The following WWP1 variants were observed in gnomAD, a reference collection of about 807,000 sequenced individuals.
WWP1 encodes WW domain containing E3 ubiquitin protein ligase 1.
A neutral mutation model predicts 130.6 loss-of-function variants in WWP1; 49 were observed. That is an observed-to-expected ratio of 0.38 (90% CI 0.30 to 0.48). The LOEUF (loss-of-function observed/expected upper bound fraction) is 0.48, where lower values mean the gene tolerates loss of function less well. WWP1 is among the 20% of genes least tolerant of loss of function. WWP1 has a pLI of 0.99. For missense variants in WWP1, 809 were observed against 1,100.6 expected (o/e 0.74, Z 3.75); for synonymous variants, 332 against 367.8 (o/e 0.90, Z 1.11).
chr8:86,372,243 C>T (rs1824358202), intron 2 of WWP1, among the ~76,000 whole-genome samples: 1 of 151,748 alleles, frequency 6.6e-6, no homozygotes, highest in Non-Finnish European at 1.5e-5. Context: ...AGGATGGTCT[C>T]GATCTCCTGA....
chr8:86,431,665 G>T lies in WWP1; in HGVS notation c.1523G>T (p.Arg508Leu). The T allele has an allele frequency of 6.2e-7, 1 of 1,613,928 alleles. No individual in the cohort carries two copies. Among genetic ancestry groups the T allele is most frequent in the African/African-American group, 1.3e-5 (1 of 74,996 alleles). ...GAAGGCTGGGAAATTAGATATACTC[G>T]TGAAGGTGTAAGGTACTTTGTTGAT... ...LPEGWEIRYT[R>L]EGVRYFVDHN... Residue 508 changes from arginine (R) to leucine (L), a missense_variant, in exon 14 of 25, where the codon CGT becomes CTT. Coordinates refer to ENST00000517970, the MANE Select transcript of WWP1 (RefSeq NM_007013.4).
At chr8:86,417,341 G>A (rs149485423) in intron 9 of WWP1, 81 of 152,158 alleles carry the variant, frequency 5.3e-4, no homozygotes, top group African/African-American at 1.7e-3. Context: ...GATATTTACC[G>A]TCTGGCTCTT....
chr8:86,370,131 CA>C lies in WWP1; in HGVS notation c.-22+1103del, dbSNP rs556685811. 9.9e-5 allele frequency among the ~76,000 whole-genome samples: 15 copies of C among 152,238 alleles called. No individual in the cohort carries two copies. In the East Asian group the frequency reaches 2.9e-3, roughly 29 times the overall value. On this transcript the variant is annotated intron_variant, in intron 2 of 24. Transcript: ENST00000517970. ...TCCATCTTTTCTTTTTAAAATACCA[CA>C]AATATGATTGTTTGATTTGAATTTC...
At chr8:86,344,797 G>T (rs1360204144) in intron 1 of WWP1, among the ~76,000 whole-genome samples, 3 of 152,188 alleles carry the variant, frequency 2.0e-5, no homozygotes, top group Non-Finnish European at 2.9e-5. Flanking sequence ...TTGGGGAAAG[G>T]CAGGTAATTA....
intron 9 of WWP1, among the ~76,000 whole-genome samples, chr8:86,419,655 G>T (rs1563514669): frequency 6.6e-6 from 1 of 152,106 alleles, no homozygotes; most frequent in African/African-American, 2.4e-5. Context: ...AGAGAAAATG[G>T]GAGGAAGTCC....
chr8:86,443,456 C>T (rs1271468966), intron 18 of WWP1, among the ~76,000 whole-genome samples: 1 of 152,074 alleles, frequency 6.6e-6, no homozygotes, highest in African/African-American at 2.4e-5. Flanking sequence ...TGCAGAAGCC[C>T]TTATGGAACT....
intron 2 of WWP1, among the ~76,000 whole-genome samples, chr8:86,369,535 G>A (rs996469841): frequency 8.5e-5 from 13 of 152,082 alleles, no homozygotes; most frequent in Non-Finnish European, 1.5e-5. Flanking sequence ...ATGTAGTAAA[G>A]TGAATAGTTT....
Position 86,411,766 on chromosome 8 carries a change from C to G in WWP1, c.953C>G (p.Ser318Cys). The G allele has an allele frequency of 6.2e-7, 1 of 1,614,134 alleles. No homozygotes were observed. The highest frequency in any genetic ancestry group is 2.2e-5 in the East Asian group (1 of 44,876). Residue 318 changes from serine to cysteine, a missense_variant, in exon 9 of 25, where the codon TCT (serine) becomes TGT (cysteine). Ser to Cys is a moderately radical substitution (Grantham distance 112). Around this residue, in one of 3 missense-constraint regions of WWP1, gnomAD observed 97 missense variants for 80.4 expected, o/e 1.21. Transcript: ENST00000517970. ...ATATTAGAGCCTGACACCTCTAATT[C>G]TAGAAGTAGTTCTGCTTTTGAAGCA... ...RSILEPDTSNSRSSSAFEAAK... is the reference protein window; with the variant it reads ...RSILEPDTSNCRSSSAFEAAK...
At chr8:86,357,822 T>C (rs1823347549) in intron 1 of WWP1, among the ~76,000 whole-genome samples, 1 of 152,204 alleles carries the variant, frequency 6.6e-6, no homozygotes, top group African/African-American at 2.4e-5. Flanking sequence ...CAAATAAGTA[T>C]TGGTGGAAGC....
At chr8:86,448,613 A>C in intron 20 of WWP1, 100 bp downstream of exon 20, 1 of 1,176,220 alleles carries the variant, frequency 8.5e-7, no homozygotes, top group Non-Finnish European at 1.2e-6. Context: ...GCCTTTGGGA[A>C]GTTCTTCTCA....
chr8:86,350,955 C>G (rs1264091492), intron 1 of WWP1, among the ~76,000 whole-genome samples: 1 of 152,154 alleles, frequency 6.6e-6, no homozygotes, highest in East Asian at 1.9e-4. Flanking sequence ...TAGAAGTAAA[C>G]AAACTAGATT....
intron 22 of WWP1, among the ~76,000 whole-genome samples, chr8:86,458,421 A>G (rs1394310218): frequency 6.6e-6 from 1 of 152,206 alleles, no homozygotes; most frequent in African/African-American, 2.4e-5. Flanking sequence ...GGGAATAAGA[A>G]TGATCGAGGG....
intron 17 of WWP1, among the ~76,000 whole-genome samples, chr8:86,442,085 G>A (rs536134265): frequency 1.1e-4 from 16 of 151,778 alleles, no homozygotes; most frequent in African/African-American, 3.4e-4. Flanking sequence ...TGTGTATCTC[G>A]GTATCACCTG....
At chr8:86,393,976 A>T (rs1807499148) in intron 5 of WWP1, among the ~76,000 whole-genome samples, 1 of 152,240 alleles carries the variant, frequency 6.6e-6, no homozygotes, top group South Asian at 2.1e-4. Flanking sequence ...GAAGACTCTC[A>T]CAAAGCCCTG....
chr8:86,430,324 C>T (rs924525798), intron 11 of WWP1, among the ~76,000 whole-genome samples: 2 of 151,992 alleles, frequency 1.3e-5, no homozygotes, highest in Non-Finnish European at 2.9e-5. Flanking sequence ...GTTGTGCAGG[C>T]TGGAGTGCAG....
Position 86,380,712 on chromosome 8 carries a change from T to C in WWP1, c.71-14T>C. The C allele has an allele frequency of 6.2e-7, 1 of 1,602,684 alleles. No individual in the cohort carries two copies. The highest frequency in any genetic ancestry group is 8.5e-7 in the Non-Finnish European group (1 of 1,175,920). ...TGGCAACACATACTCACTAGTGAAT[T>C]ATTTGTCTGTTAGTTTCTAGTGCCA... On this transcript the variant is annotated splice_polypyrimidine_tract_variant and intron_variant, in intron 3 of 24. Transcript: ENST00000517970.
At chr8:86,443,260 G>A (rs1554573625) in intron 18 of WWP1, among the ~76,000 whole-genome samples, 1 of 151,988 alleles carries the variant, frequency 6.6e-6, no homozygotes, top group Non-Finnish European at 1.5e-5. Flanking sequence ...TTTTAGTTGA[G>A]ATGGGGTTTC....
rs553086217 is a variant in WWP1, at chr8:86,344,986, T to A, written c.-115+2056T>A. On this transcript the variant is annotated intron_variant, in intron 1 of 24. Transcript: ENST00000517970. ...GAGTGAAACAATTTGAACACTTTGTTTCAGAAGGATTAGTGGGATAGAGGT... is the reference window on the plus strand; with the variant it reads ...GAGTGAAACAATTTGAACACTTTGTATCAGAAGGATTAGTGGGATAGAGGT... Among the ~76,000 whole-genome samples, 8 of 152,280 alleles carry A rather than the reference T, an allele frequency of 5.3e-5. 1 individual carries two copies. The South Asian group carries it at 1.7e-3, about 32-fold the overall frequency.
At chr8:86,413,524 A>G (rs529019317) in intron 9 of WWP1, among the ~76,000 whole-genome samples, 18 of 152,360 alleles carry the variant, frequency 1.2e-4, no homozygotes, top group Admixed American at 4.6e-4. Context: ...CGTTGACGTC[A>G]AAGAATACTT....
Sources: allele counts gnomAD v4.1 joint callset (sites outside exome capture counted in the v4.1 genomes callset), GRCh38; gene constraint gnomAD v4.1.1; regional missense constraint gnomAD v4.1.1; transcripts MANE v1.5; gene names NCBI Gene and HGNC (gene_info 2026-07-23, HGNC 2026-07-21).